CHCHD1: variants seen among roughly 807,000 people sequenced by gnomAD.
The protein encoded by CHCHD1 is small ribosomal subunit protein mS37.
CHCHD1 carries 12 observed loss-of-function variants against 12.7 expected under a neutral mutation model. The ratio of observed to expected loss-of-function variants is 0.95; its 90% CI spans 0.61 to 1.53. The LOEUF (loss-of-function observed/expected upper bound fraction) is 1.53, where lower values mean the gene tolerates loss of function less well. CHCHD1 is among the 40% of genes most tolerant of loss of function. The pLI is 0.00. For missense variants in CHCHD1, 151 were observed against 155.8 expected, an observed-to-expected ratio of 0.97 and a Z score of 0.17; for synonymous variants, 57 against 62.4, an observed-to-expected ratio of 0.91 and a Z score of 0.41.
chr10:73,783,040 A>C (rs972009034), intron 2 of CHCHD1, 34 bp from the exon 3 acceptor site: 1 of 1,513,714 alleles, frequency 6.6e-7, no homozygotes, highest in Admixed American at 1.7e-5. Flanking sequence ...CAAACTGTAG[A>C]GCTGTCATTC....
chr10:73,782,992 T>C (rs1253231990), intron 2 of CHCHD1, 82 bp from the exon 3 acceptor site: 3 of 1,049,620 alleles, frequency 2.9e-6, no homozygotes, highest in Non-Finnish European at 4.4e-6. Context: ...GATTGATTGA[T>C]TGGTTTTTTG....
In CHCHD1 at chr10:73,783,361, C is replaced by T. The variant is rs2083112297; in HGVS notation, c.*174C>T. 3 of 571,380 alleles carry T rather than the reference C, an allele frequency of 5.3e-6. No individual in the cohort carries two copies. In the Admixed American group the frequency reaches 9.5e-5, roughly 18 times the overall value. The allele number at this position is 571,380 out of a possible 1,614,324, so 35.4% of individuals were successfully genotyped here. The stretch of plus-strand genomic sequence containing the variant: ...GTTATGATTTATCTTGAAATAAAAT[C>T]CTCTGAACAGAACTTGGCCTTTTGT... On this transcript the variant is annotated 3_prime_UTR_variant, in exon 3 of 3. Transcript: ENST00000372833.
chr10:73,782,235 A>G (rs769066265), intron 1 of CHCHD1, 36 bp downstream of exon 1: 2 of 1,612,360 alleles, frequency 1.2e-6, no homozygotes, highest in South Asian at 1.1e-5. Flanking sequence ...CCGGAGCGGA[A>G]GCCGGAGCAT....
chr10:73,782,631 T>C, intron 2 of CHCHD1, 190 bp downstream of exon 2: 2 of 1,392,578 alleles, frequency 1.4e-6, no homozygotes, highest in Admixed American at 3.3e-5. Flanking sequence ...CTCTGAACTT[T>C]CGAGTTACTG....
In CHCHD1 at chr10:73,782,117, G is replaced by C. The variant is rs1156550368; in HGVS notation, c.42G>C (p.Gly14=). 6.2e-7 allele frequency: 1 copy of C among 1,613,346 alleles called. No individual in the cohort carries two copies. Among genetic ancestry groups the C allele is most frequent in the Admixed American group, 1.7e-5 (1 of 60,016 alleles). The change falls in exon 1 of 3, where the codon GGG becomes GGC. Residue 14 remains glycine (G), a synonymous_variant. Coordinates refer to ENST00000372833, the MANE Select transcript of CHCHD1 (RefSeq NM_203298.3). The part of the protein sequence containing the change: ...PSLRGRLARF[G]NPRKPVLKPN... ...TGCGGGGTCGTCTGGCGCGGTTTGG[G>C]AACCCGCGGAAGCCTGTGCTGAAGC...
Position 73,783,360 on chromosome 10 carries a change from T to C in CHCHD1, c.*173T>C. 1.7e-6 allele frequency: 1 copy of C among 572,892 alleles called. No individual in the cohort carries two copies. Among genetic ancestry groups the C allele is most frequent in the East Asian group, 2.9e-5 (1 of 34,238 alleles). 35.5% of individuals were successfully genotyped at this position (572,892 alleles called of 1,614,324 possible). ...AGTTATGATTTATCTTGAAATAAAA[T>C]CCTCTGAACAGAACTTGGCCTTTTG... On this transcript the variant is annotated 3_prime_UTR_variant, in exon 3 of 3. Transcript: ENST00000372833.
Position 73,782,057 on chromosome 10 carries a change from G to T in CHCHD1, c.-19G>T, listed in dbSNP as rs2132607196. On this transcript the variant is annotated 5_prime_UTR_variant, in exon 1 of 3. Coordinates refer to ENST00000372833, the MANE Select transcript of CHCHD1 (RefSeq NM_203298.3). ...GGTCACGCACGGAACCGCAAAGCCT[G>T]CCGGGAGCTTGGTGCGCTATGGCGA... 6.2e-7 allele frequency: 1 copy of T among 1,612,330 alleles called. No homozygotes were observed. The highest frequency in any genetic ancestry group is 1.8e-4 in the Middle Eastern group (1 of 5,588).
In CHCHD1 at chr10:73,783,310, C is replaced by T. The variant is rs2132608148; in HGVS notation, c.*123C>T. On this transcript the variant is annotated 3_prime_UTR_variant, in exon 3 of 3. Coordinates refer to ENST00000372833, the MANE Select transcript of CHCHD1 (RefSeq NM_203298.3). ...AGAAGAGGCAAAACACTTTTTTCAC[C>T]CTTTGGAATCATAGTATGGGTAGAA... 3.1e-6 allele frequency: 2 copies of T among 644,322 alleles called. No individual in the cohort carries two copies. Among genetic ancestry groups the T allele is most frequent in the Non-Finnish European group, 5.4e-6 (2 of 371,796 alleles). 39.9% of individuals were successfully genotyped at this position (644,322 alleles called of 1,614,324 possible).
In CHCHD1 at chr10:73,783,118, TG is replaced by T. The variant is rs763794299; in HGVS notation, c.291del (p.Ser98ValfsTer7). ...CAATACAGGAAACCCTGGGAGAGTC[TG>T]GGAGTTTACTTCCAAATAAATTGAA... Reference protein sequence around the residue: ...RSIQETLGESGSLLPNKLNKL... With the variant: ...RSIQETLGESXSLLPNKLNKL... On this transcript the variant is annotated frameshift_variant, in exon 3 of 3. Transcript: ENST00000372833. LOFTEE classifies it high-confidence loss of function. 1 of 1,614,052 alleles carries T rather than the reference TG, an allele frequency of 6.2e-7. No homozygotes were observed. The highest frequency in any genetic ancestry group is 8.5e-7 in the Non-Finnish European group (1 of 1,179,988).
chr10:73,782,582 G>A (rs2083108361), intron 2 of CHCHD1, 141 bp downstream of exon 2: 6 of 1,487,556 alleles, frequency 4.0e-6, no homozygotes, highest in South Asian at 1.4e-5. Flanking sequence ...AAAGGTTACA[G>A]TTTTGAAGGC....
At position 73,782,160 on chromosome 10, in the gene CHCHD1, C is replaced by G. The variant is rs561872136; in HGVS notation, c.85C>G (p.Leu29Val). ...PVLKPNKPLI[L>V]ANRVGERRRE... is the part of the protein sequence containing the mutation. Reference sequence around the variant, plus strand: ...GCTGAAGCCCAATAAACCTCTCATTCTAGCTAACCGCGTCGGGGAGCGGCG... The same window carrying G: ...GCTGAAGCCCAATAAACCTCTCATTGTAGCTAACCGCGTCGGGGAGCGGCG... Residue 29 changes from leucine (L) to valine (V), a missense_variant, in exon 1 of 3, where the codon CTA becomes GTA. Leu to Val is a conservative substitution (Grantham distance 32). Transcript: ENST00000372833. 2 of 1,613,914 alleles carry G rather than the reference C, an allele frequency of 1.2e-6. No individual in the cohort carries two copies. Among genetic ancestry groups the G allele is most frequent in the East Asian group, 2.2e-5 (1 of 44,876 alleles).
chr10:73,782,328 A>G lies in CHCHD1; in HGVS notation c.130A>G (p.Thr44Ala). 6.2e-7 allele frequency: 1 copy of G among 1,613,910 alleles called. No homozygotes were observed. The highest frequency in any genetic ancestry group is 8.5e-7 in the Non-Finnish European group (1 of 1,179,838). ...CCCCGGATCTGCCCCTCCAGAGGCG[A>G]CTTGCATCACGGAGATGTCGGTGAT... ...GERRREKGEATCITEMSVMMA... is the reference protein window; with the variant it reads ...GERRREKGEAACITEMSVMMA... The change falls in exon 2 of 3, where the codon ACT (threonine) becomes GCT (alanine). Residue 44 changes from threonine (T) to alanine (A), a missense_variant. Coordinates refer to ENST00000372833, the MANE Select transcript of CHCHD1 (RefSeq NM_203298.3).
At position 73,783,386 on chromosome 10, in the gene CHCHD1, T is replaced by C; in HGVS notation, c.*199T>C. On this transcript the variant is annotated 3_prime_UTR_variant, in exon 3 of 3. Transcript: ENST00000372833. Reference sequence around the variant, plus strand: ...CCTCTGAACAGAACTTGGCCTTTTGTTGTGAATTAGGTACTCTCTTCATTC... The same window carrying C: ...CCTCTGAACAGAACTTGGCCTTTTGCTGTGAATTAGGTACTCTCTTCATTC... 1 of 535,506 alleles carries C rather than the reference T, an allele frequency of 1.9e-6. No individual in the cohort carries two copies. Among genetic ancestry groups the C allele is most frequent in the Non-Finnish European group, 3.3e-6 (1 of 302,586 alleles). 33.2% of individuals were successfully genotyped at this position (535,506 alleles called of 1,614,324 possible).
chr10:73,783,337 T>C lies in CHCHD1; in HGVS notation c.*150T>C, dbSNP rs2083112218. On this transcript the variant is annotated 3_prime_UTR_variant, in exon 3 of 3. Coordinates refer to ENST00000372833, the MANE Select transcript of CHCHD1 (RefSeq NM_203298.3). ...TTTGGAATCATAGTATGGGTAGAAG[T>C]TATGATTTATCTTGAAATAAAATCC... 3.4e-6 allele frequency: 2 copies of C among 594,720 alleles called. No individual in the cohort carries two copies. The highest frequency in any genetic ancestry group is 3.7e-5 in the African/African-American group (2 of 53,648). The allele number at this position is 594,720 out of a possible 1,614,324, so 36.8% of individuals were successfully genotyped here. A position where few individuals can be genotyped will look rare whatever the true frequency, so the allele number is the denominator to read the frequency against.
rs2083112087 is a variant in CHCHD1, at chr10:73,783,300, C to G, written c.*113C>G. The G allele has an allele frequency of 2.9e-6, 2 of 684,924 alleles. No individual in the cohort carries two copies. The highest frequency in any genetic ancestry group is 5.0e-6 in the Non-Finnish European group (2 of 401,502). The allele number at this position is 684,924 out of a possible 1,614,324, so 42.4% of individuals were successfully genotyped here. A position where few individuals can be genotyped will look rare whatever the true frequency, so the allele number is the denominator to read the frequency against. ...TTTGGAGGGTAGAAGAGGCAAAACACTTTTTTCACCCTTTGGAATCATAGT... is the reference window on the plus strand; with the variant it reads ...TTTGGAGGGTAGAAGAGGCAAAACAGTTTTTTCACCCTTTGGAATCATAGT... On this transcript the variant is annotated 3_prime_UTR_variant, in exon 3 of 3. Coordinates refer to ENST00000372833, the MANE Select transcript of CHCHD1 (RefSeq NM_203298.3).
chr10:73,782,520 A>T (rs1273336419), intron 2 of CHCHD1, 79 bp downstream of exon 2: 1 of 1,596,686 alleles, frequency 6.3e-7, no homozygotes, highest in South Asian at 1.1e-5. Flanking sequence ...GCCTTTTGCT[A>T]GGAAAGGCCC....
Position 73,782,357 on chromosome 10 carries a change from G to A in CHCHD1, c.159G>A (p.Met53Ile), listed in dbSNP as rs1565060455. The change falls in exon 2 of 3, where the codon ATG becomes ATA. Residue 53 changes from methionine (M) to isoleucine (I), a missense_variant. By Grantham distance (10) the Met-to-Ile change is conservative. Transcript: ENST00000372833. ...GCATCACGGAGATGTCGGTGATGAT[G>A]GCTTGCTGGAAGCAGAATGAATTCC... is the stretch of plus-strand genomic sequence containing the variant. ...ATCITEMSVM[M>I]ACWKQNEFRD... The A allele has an allele frequency of 1.2e-6, 2 of 1,614,226 alleles. No homozygotes were observed. The highest frequency in any genetic ancestry group is 1.7e-6 in the Non-Finnish European group (2 of 1,180,038).
Position 73,782,156 on chromosome 10 carries a change from C to A in CHCHD1, c.81C>A (p.Leu27=). Residue 27 remains leucine, a synonymous_variant, in exon 1 of 3, where the codon CTC becomes CTA. Coordinates refer to ENST00000372833, the MANE Select transcript of CHCHD1 (RefSeq NM_203298.3). The stretch of plus-strand genomic sequence containing the variant: ...CTGTGCTGAAGCCCAATAAACCTCT[C>A]ATTCTAGCTAACCGCGTCGGGGAGC... ...RKPVLKPNKP[L]ILANRVGERR... 1 of 1,613,904 alleles carries A rather than the reference C, an allele frequency of 6.2e-7. No homozygotes were observed. The highest frequency in any genetic ancestry group is 8.5e-7 in the Non-Finnish European group (1 of 1,180,012).
In CHCHD1 at chr10:73,782,382, C is replaced by G. The variant is rs1199118859; in HGVS notation, c.184C>G (p.Arg62Gly). The change falls in exon 2 of 3, where the codon CGC (arginine) becomes GGC (glycine). Residue 62 changes from arginine (R) to glycine (G), a missense_variant. Coordinates refer to ENST00000372833, the MANE Select transcript of CHCHD1 (RefSeq NM_203298.3). ...MMACWKQNEF[R>G]DDACRKEIQG... Reference sequence around the variant, plus strand: ...GGCTTGCTGGAAGCAGAATGAATTCCGCGACGATGCGTGCAGAAAAGAGAT... The same window carrying G: ...GGCTTGCTGGAAGCAGAATGAATTCGGCGACGATGCGTGCAGAAAAGAGAT... The G allele has an allele frequency of 1.9e-6, 3 of 1,614,188 alleles. No homozygotes were observed. Among genetic ancestry groups the G allele is most frequent in the Non-Finnish European group, 2.5e-6 (3 of 1,180,028 alleles).
Sources: gnomAD v4.1 joint callset for allele counts on GRCh38, gnomAD v4.1.1 for gene constraint, MANE v1.5 for transcripts, NCBI Gene and HGNC (gene_info 2026-07-23, HGNC 2026-07-21) for gene names.